The following WWP2 variants were observed in gnomAD, a reference collection of about 807,000 sequenced individuals.
WWP2 encodes WW domain containing E3 ubiquitin protein ligase 2.
WWP2 carries 57 observed loss-of-function variants against 121.0 expected under a neutral mutation model. The observed-to-expected ratio is 0.47, with a 90% CI of 0.38 to 0.59. The LOEUF (loss-of-function observed/expected upper bound fraction) is 0.59, where lower values mean the gene tolerates loss of function less well. Ranked by LOEUF, WWP2 falls within the 20% of genes least tolerant of loss-of-function variation. The pLI is 0.00. For missense variants in WWP2, 962 were observed against 1,158.9 expected, an observed-to-expected ratio of 0.83 and a Z score of 2.47; for synonymous variants, 449 against 441.3, an observed-to-expected ratio of 1.02 and a Z score of -0.22.
At chr16:69,908,900 T>A (rs773503057) in intron 9 of WWP2, 50 bp downstream of exon 9, 1 of 1,613,032 alleles carries the variant, frequency 6.2e-7, no homozygotes, top group South Asian at 1.1e-5. Flanking sequence ...ACACCATGAG[T>A]CACCCAATGG....
intron 21 of WWP2, 86 bp from the exon 22 acceptor site, chr16:69,938,941 C>T (rs2058838266): frequency 7.8e-7 from 1 of 1,281,224 alleles, no homozygotes; most frequent in Non-Finnish European, 1.1e-6. Context: ...CAAAGAGGGG[C>T]CCCGCTGAGC....
chr16:69,868,796 G>A (rs1405894181), intron 6 of WWP2, among the ~76,000 whole-genome samples: 1 of 152,174 alleles, frequency 6.6e-6, no homozygotes, highest in East Asian at 1.9e-4. Flanking sequence ...CTTTTGAGGA[G>A]GAGCTGTGGT....
chr16:69,768,092 C>CTGTTTGGGG (rs2038771375), intron 1 of WWP2, among the ~76,000 whole-genome samples: 1 of 152,150 alleles, frequency 6.6e-6, no homozygotes, highest in Non-Finnish European at 1.5e-5. Flanking sequence ...CTGCCTCAGC[C>CTGTTTGGGG]TCCCAAAGTG....
chr16:69,910,475 C>T, intron 9 of WWP2: 1 of 540,650 alleles, frequency 1.8e-6, no homozygotes, highest in Middle Eastern at 9.2e-4. Flanking sequence ...GTGGTGCAAT[C>T]TCCAGCTCAC....
intron 7 of WWP2, among the ~76,000 whole-genome samples, chr16:69,886,576 A>G (rs1440856826): frequency 2.6e-5 from 4 of 152,182 alleles, no homozygotes; most frequent in South Asian, 2.1e-4. Context: ...CCTGGCCAAC[A>G]TGGTGAAACC....
At chr16:69,924,432 A>G (rs749781299) in intron 10 of WWP2, among the ~76,000 whole-genome samples, 76 of 152,226 alleles carry the variant, frequency 5.0e-4, no homozygotes, top group Non-Finnish European at 6.8e-4. Flanking sequence ...AATGCTTCAG[A>G]AAGAAAAAAA....
At chr16:69,888,909 T>C (rs542209272) in intron 8 of WWP2, among the ~76,000 whole-genome samples, 1 of 152,292 alleles carries the variant, frequency 6.6e-6, no homozygotes, top group South Asian at 2.1e-4. Flanking sequence ...TTTCGCCCTG[T>C]TGGCCAGGCT....
chr16:69,856,032 G>T (rs1460977370), intron 6 of WWP2, among the ~76,000 whole-genome samples: 1 of 152,182 alleles, frequency 6.6e-6, no homozygotes, highest in East Asian at 1.9e-4. Context: ...AGCCACTGGG[G>T]AGGCTGAGCT....
chr16:69,856,316 G>A lies in WWP2; in HGVS notation c.575+14196G>A, dbSNP rs115595298. Among the ~76,000 whole-genome samples the A allele has an allele frequency of 5.6e-3, 860 of 152,228 alleles. 5 individuals carry two copies. The highest frequency in any genetic ancestry group is 0.02 in the African/African-American group (816 of 41,526). ...GGGGGCATTGGAGGAGGGATTGACT[G>A]CAAAGGGGCACAAGGAAATTTTGGG... On this transcript the variant is annotated intron_variant, in intron 6 of 23. Coordinates refer to ENST00000359154, the MANE Select transcript of WWP2 (RefSeq NM_001270454.2).
chr16:69,824,500 C>T (rs2056648906), intron 4 of WWP2, among the ~76,000 whole-genome samples: 1 of 147,672 alleles, frequency 6.8e-6, no homozygotes, highest in Non-Finnish European at 1.5e-5. Context: ...ATATCCCTCC[C>T]TCCCTCCCTT....
chr16:69,814,877 A>T (rs2056460269), intron 4 of WWP2, among the ~76,000 whole-genome samples: 1 of 152,228 alleles, frequency 6.6e-6, no homozygotes, highest in Admixed American at 6.5e-5. Context: ...GAAGATAAAT[A>T]AAACTACTGA....
chr16:69,809,826 G>C (rs2056353852), intron 4 of WWP2, among the ~76,000 whole-genome samples: 1 of 151,200 alleles, frequency 6.6e-6, no homozygotes, highest in South Asian at 2.1e-4. Flanking sequence ...GGAAGGAAGG[G>C]GAGAGAGAGA....
At position 69,937,337 on chromosome 16, in the gene WWP2, C is replaced by G. The variant is rs958514767; in HGVS notation, c.2238+99C>G. The G allele has an allele frequency of 1.3e-6, 2 of 1,546,390 alleles. No homozygotes were observed. The highest frequency in any genetic ancestry group is 1.7e-6 in the Non-Finnish European group (2 of 1,145,948). On this transcript the variant is annotated intron_variant, in intron 20 of 23. Transcript: ENST00000359154. This position sits in a 1 kb window ranked among gnomAD's most constrained non-coding sequence, Gnocchi z 6.6. ...GTACCCACAGACACTCAGCGTAAAACTCCCACTTCGGCAGGGCAGATGGGT... is the reference window on the plus strand; with the variant it reads ...GTACCCACAGACACTCAGCGTAAAAGTCCCACTTCGGCAGGGCAGATGGGT...
At chr16:69,819,923 C>G (rs1204766469) in intron 4 of WWP2, among the ~76,000 whole-genome samples, 1 of 152,160 alleles carries the variant, frequency 6.6e-6, no homozygotes, top group African/African-American at 2.4e-5. Flanking sequence ...TGTAGATTTA[C>G]CTTTCCTGGA....
chr16:69,939,981 C>A lies in WWP2; in HGVS notation c.*41C>A. On this transcript the variant is annotated 3_prime_UTR_variant, in exon 24 of 24. Coordinates refer to ENST00000359154, the MANE Select transcript of WWP2 (RefSeq NM_001270454.2). ...CCACGCCCCCCAGCGCACATGTAGT[C>A]CTGAGTCCTCCCTGCCTGAGAGGCC... The A allele has an allele frequency of 6.5e-7, 1 of 1,546,728 alleles. No individual in the cohort carries two copies. Among genetic ancestry groups the A allele is most frequent in the South Asian group, 1.2e-5 (1 of 85,684 alleles).
intron 6 of WWP2, among the ~76,000 whole-genome samples, chr16:69,865,909 A>C (rs1280187944): frequency 6.6e-6 from 1 of 152,222 alleles, no homozygotes; most frequent in East Asian, 1.9e-4. Context: ...TGGAAACCAC[A>C]AAAGGGAAGG....
intron 6 of WWP2, among the ~76,000 whole-genome samples, chr16:69,863,733 T>C (rs1037660570): frequency 3.7e-4 from 56 of 152,218 alleles, no homozygotes; most frequent in Non-Finnish European, 6.0e-4. Flanking sequence ...AGCTCCTCCT[T>C]GTACCCGTCG....
intron 1 of WWP2, among the ~76,000 whole-genome samples, 185 bp from the exon 2 acceptor site, chr16:69,786,811 T>TA (rs1179516166): frequency 6.6e-6 from 1 of 152,184 alleles, no homozygotes; most frequent in East Asian, 1.9e-4. Flanking sequence ...GTGTCCTTTC[T>TA]AGTCTATCCT....
intron 10 of WWP2, among the ~76,000 whole-genome samples, chr16:69,921,358 C>T (rs1381401169): frequency 6.6e-6 from 1 of 152,230 alleles, no homozygotes; most frequent in Non-Finnish European, 1.5e-5. Flanking sequence ...ACTAGACTAG[C>T]TAGCGGCCTC....
Sources: allele counts gnomAD v4.1 joint callset (sites outside exome capture counted in the v4.1 genomes callset), GRCh38; gene constraint gnomAD v4.1.1; non-coding constraint Gnocchi (gnomAD v3.1); transcripts MANE v1.5; gene names NCBI Gene and HGNC (gene_info 2026-07-23, HGNC 2026-07-21).